Variants in SLC25A26 observed in about 807,000 individuals in gnomAD.
The protein encoded by SLC25A26 is mitochondrial S-adenosylmethionine carrier protein.
A neutral mutation model predicts 37.8 loss-of-function variants in SLC25A26; 36 were observed. That is an observed-to-expected ratio of 0.95 (90% CI 0.73 to 1.26). SLC25A26 has a LOEUF of 1.26. Among genes scored for constraint, SLC25A26 ranks in the 50% most tolerant of loss-of-function variants. The probability of loss-of-function intolerance (pLI) is 0.00; values close to 1 mark genes in which losing one functional copy is unlikely to be tolerated. For synonymous variants in SLC25A26, 129 were observed against 122.5 expected, an observed-to-expected ratio of 1.05 and a Z score of -0.35; for missense variants, 390 against 331.1, an observed-to-expected ratio of 1.18 and a Z score of -1.38.
At chr3:66,355,309 A>G (rs1259868180) in intron 6 of SLC25A26, among the ~76,000 whole-genome samples, 1 of 151,936 alleles carries the variant, frequency 6.6e-6, no homozygotes, top group Non-Finnish European at 1.5e-5. Flanking sequence ...AAATATCTCA[A>G]CCAGCCAACA....
chr3:66,343,126 C>T (rs998921130), intron 5 of SLC25A26, among the ~76,000 whole-genome samples: 2 of 152,100 alleles, frequency 1.3e-5, no homozygotes, highest in South Asian at 4.2e-4. Context: ...AAGCCAGACG[C>T]GGGGAGGGAG....
At chr3:66,319,180 A>G (rs747500548) in intron 5 of SLC25A26, among the ~76,000 whole-genome samples, 2 of 152,234 alleles carry the variant, frequency 1.3e-5, no homozygotes, top group South Asian at 2.1e-4. Flanking sequence ...TTACTGAAGT[A>G]GAGAAGTGTA....
At chr3:66,302,888 G>A (rs1389856106) in intron 5 of SLC25A26, among the ~76,000 whole-genome samples, 1 of 152,196 alleles carries the variant, frequency 6.6e-6, no homozygotes, top group African/African-American at 2.4e-5. Flanking sequence ...CATGTGTTCA[G>A]TGTCTCAGTG....
chr3:66,214,477 C>T (rs1374630304), intron 1 of SLC25A26, among the ~76,000 whole-genome samples: 1 of 152,146 alleles, frequency 6.6e-6, no homozygotes, highest in Non-Finnish European at 1.5e-5. Flanking sequence ...AGAAAAGTTG[C>T]TCCAACTCTC....
intron 1 of SLC25A26, among the ~76,000 whole-genome samples, chr3:66,195,304 C>G (rs2071027102): frequency 6.6e-6 from 1 of 152,218 alleles, no homozygotes; most frequent in Non-Finnish European, 1.5e-5. Flanking sequence ...GGGGGAAAAG[C>G]CCCCTGCCCA....
chr3:66,277,206 A>G (rs545119157), intron 5 of SLC25A26, among the ~76,000 whole-genome samples: 8 of 152,258 alleles, frequency 5.3e-5, no homozygotes, highest in African/African-American at 9.6e-5. Context: ...TGTTCCATCT[A>G]TACCAAACCC....
At chr3:66,300,243 GTTTTTTTGTTTTGT>G (rs1442425128) in intron 5 of SLC25A26, among the ~76,000 whole-genome samples, 3 of 113,440 alleles carry the variant, frequency 2.6e-5, no homozygotes, top group African/African-American at 9.0e-5. Context: ...CTAGGCTAGG[GTTTTTTTGTTTTGT>G]TTTTTTTTTT....
intron 5 of SLC25A26, among the ~76,000 whole-genome samples, chr3:66,311,784 A>G (rs1286140655): frequency 6.6e-6 from 1 of 152,072 alleles, no homozygotes; most frequent in Non-Finnish European, 1.5e-5. Context: ...CTGGACGTTC[A>G]TTTCAGACCC....
At chr3:66,346,536 A>G (rs557902228) in intron 6 of SLC25A26, 128 bp downstream of exon 6, 57 of 474,244 alleles carry the variant, frequency 1.2e-4, no homozygotes, top group African/African-American at 9.9e-4. Context: ...AGTTGAAAAT[A>G]TATTTTATGT....
chr3:66,322,256 C>T (rs1387026259), intron 5 of SLC25A26, among the ~76,000 whole-genome samples: 1 of 152,134 alleles, frequency 6.6e-6, no homozygotes, highest in African/African-American at 2.4e-5. Flanking sequence ...TAGTTTGATG[C>T]ATGCTTTAGA....
intron 9 of SLC25A26, among the ~76,000 whole-genome samples, chr3:66,373,647 C>T (rs915713758): frequency 6.6e-6 from 1 of 151,430 alleles, no homozygotes; most frequent in Non-Finnish European, 1.5e-5. Flanking sequence ...AGTTTCTGTC[C>T]TCACCACCCA....
chr3:66,136,937 A>G (rs2069955154), intron 1 of SLC25A26, among the ~76,000 whole-genome samples: 1 of 152,216 alleles, frequency 6.6e-6, no homozygotes, highest in African/African-American at 2.4e-5. Context: ...CAACAATAGT[A>G]TATAAATTTT....
At chr3:66,210,697 A>G (rs2071273399) in intron 1 of SLC25A26, among the ~76,000 whole-genome samples, 1 of 152,096 alleles carries the variant, frequency 6.6e-6, no homozygotes, top group South Asian at 2.1e-4. Context: ...ATTTATTTGT[A>G]AAGATGGGCT....
intron 5 of SLC25A26, chr3:66,293,098 T>C (rs1168113380): frequency 6.6e-6 from 1 of 152,184 alleles, no homozygotes; most frequent in Non-Finnish European, 1.5e-5. Flanking sequence ...TACTTGTGTA[T>C]ACTTTATGAA....
At chr3:66,369,254 T>C (rs1196404883) in intron 7 of SLC25A26, among the ~76,000 whole-genome samples, 1 of 152,198 alleles carries the variant, frequency 6.6e-6, no homozygotes, top group African/African-American at 2.4e-5. Flanking sequence ...GAGCCTTGTA[T>C]TTTTCACCTG....
intron 5 of SLC25A26, among the ~76,000 whole-genome samples, chr3:66,287,957 A>G (rs1300353341): frequency 1.3e-5 from 2 of 152,212 alleles, no homozygotes; most frequent in Non-Finnish European, 2.9e-5. Context: ...TGAGAATAAT[A>G]TTGTTACTGA....
In SLC25A26 at chr3:66,152,420, TG is replaced by T. The variant is rs576394398; in HGVS notation, c.-354+18437del. Among the ~76,000 whole-genome samples, 43 of 152,346 alleles carry T rather than the reference TG, an allele frequency of 2.8e-4. No individual in the cohort carries two copies. The South Asian group carries it at 5.0e-3, about 18-fold the overall frequency. On this transcript the variant is annotated intron_variant, in intron 1 of 10. Coordinates refer to the SLC25A26 transcript ENST00000676754. ...AAATAAGGGTGATTTATTTTGCAAA[TG>T]AAGAGGCCTGTGACAGATTGGAATT...
intron 3 of SLC25A26, among the ~76,000 whole-genome samples, chr3:66,246,170 T>A (rs1451697876): frequency 1.3e-5 from 2 of 152,180 alleles, no homozygotes; most frequent in African/African-American, 4.8e-5. Context: ...AAAATTAATT[T>A]AGGTGATTAT....
At chr3:66,319,897 G>T (rs978743438) in intron 5 of SLC25A26, among the ~76,000 whole-genome samples, 27 of 151,736 alleles carry the variant, frequency 1.8e-4, no homozygotes, top group African/African-American at 6.3e-4. Context: ...GGGATTACAG[G>T]CACACACCAC....
Sources: allele counts gnomAD v4.1 joint callset (sites outside exome capture counted in the v4.1 genomes callset), GRCh38; gene constraint gnomAD v4.1.1; transcripts MANE v1.5; gene names NCBI Gene and HGNC (gene_info 2026-07-23, HGNC 2026-07-21).